The following LRRC20 variants were observed in gnomAD, a reference collection of about 807,000 sequenced individuals.
LRRC20 encodes leucine-rich repeat-containing protein 20.
In LRRC20, 11 loss-of-function variants were observed where a neutral mutation model predicts 14.4. The observed-to-expected ratio is 0.77, with a 90% confidence interval of 0.48 to 1.27. The LOEUF is 1.27. Among genes scored for constraint, LRRC20 ranks in the 50% most tolerant of loss-of-function variants. The pLI is 0.00. For synonymous variants in LRRC20, 121 were observed against 107.3 expected (o/e 1.13, Z -0.79); for missense variants, 219 against 251.2 (o/e 0.87, Z 0.87).
intron 2 of LRRC20, among the ~76,000 whole-genome samples, chr10:70,362,139 C>T (rs1227247942): frequency 6.6e-6 from 1 of 152,178 alleles, no homozygotes; most frequent in Admixed American, 6.5e-5. Context: ...GAGCTGAGAT[C>T]GTGCCACTGC....
intron 2 of LRRC20, among the ~76,000 whole-genome samples, chr10:70,342,125 C>T (rs1842937906): frequency 6.6e-6 from 1 of 151,842 alleles, no homozygotes; most frequent in Non-Finnish European, 1.5e-5. Context: ...ATAGAGAAAC[C>T]CCATCTCTAC....
At chr10:70,360,875 T>C (rs1351723131) in intron 2 of LRRC20, among the ~76,000 whole-genome samples, 1 of 151,866 alleles carries the variant, frequency 6.6e-6, no homozygotes, top group Non-Finnish European at 1.5e-5. Flanking sequence ...CCCACTGAAA[T>C]GGGTGGCATG....
intron 4 of LRRC20, 126 bp downstream of exon 4, chr10:70,323,737 T>G: frequency 9.2e-7 from 1 of 1,090,742 alleles, no homozygotes; most frequent in Admixed American, 2.3e-5. Context: ...CCCATGTCCT[T>G]TGCTCAGGCA....
chr10:70,362,248 C>A (rs1248985833), intron 2 of LRRC20, among the ~76,000 whole-genome samples: 3 of 152,198 alleles, frequency 2.0e-5, no homozygotes, highest in African/African-American at 7.2e-5. Context: ...ACGTGAAGAA[C>A]AGGGAAGAGC....
chr10:70,376,456 A>G lies in LRRC20; in HGVS notation c.78T>C (p.Thr26=), dbSNP rs373409174. The change falls in exon 2 of 5, where the codon ACT becomes ACC. Residue 26 remains threonine, a synonymous_variant. Transcript: ENST00000446961. ...AAAAGCCCTGCCCTCACTCACCCAG[A>G]GTGTCAGAGCCGCTCTCCACCGTCT... ...VNETVESGSD[T]LDLAECKLVS... is the part of the protein sequence containing the mutation. 3.7e-6 allele frequency: 6 copies of G among 1,613,894 alleles called. No individual in the cohort carries two copies. The highest frequency in any genetic ancestry group is 1.7e-5 in the Admixed American group (1 of 59,996).
intron 4 of LRRC20, among the ~76,000 whole-genome samples, chr10:70,311,221 C>CCTTTTTTTTTTTTTT (rs1491407192): frequency 8.3e-6 from 1 of 120,600 alleles, no homozygotes; most frequent in East Asian, 3.0e-4. Context: ...TTCAACATTC[C>CCTTTTTTTTTTTTTT]ATTTTTTTTT....
intron 2 of LRRC20, among the ~76,000 whole-genome samples, chr10:70,365,760 A>C (rs1031093718): frequency 1.3e-5 from 2 of 152,114 alleles, no homozygotes; most frequent in Admixed American, 6.6e-5. Flanking sequence ...AAAGATTCGA[A>C]TAGAGATTTA....
intron 2 of LRRC20, among the ~76,000 whole-genome samples, chr10:70,351,996 T>A (rs10762369): frequency 0.75 from 114,262 of 152,026 alleles, 43,289 homozygotes; most frequent in Middle Eastern, 0.83. Flanking sequence ...AAGTTCCAGC[T>A]TTTCTCAAGT....
intron 4 of LRRC20, among the ~76,000 whole-genome samples, chr10:70,318,906 C>T (rs565377431): frequency 3.2e-4 from 49 of 151,726 alleles, no homozygotes; most frequent in South Asian, 6.3e-4. Context: ...CTCCCAGGCT[C>T]AATTGATCTA....
intron 2 of LRRC20, among the ~76,000 whole-genome samples, chr10:70,367,601 G>C (rs181205695): frequency 6.6e-5 from 10 of 152,172 alleles, no homozygotes; most frequent in Admixed American, 2.0e-4. Flanking sequence ...CCAGGCTCAA[G>C]AGCTTATTTA....
chr10:70,346,190 T>C (rs898259523), intron 2 of LRRC20, among the ~76,000 whole-genome samples: 1 of 152,102 alleles, frequency 6.6e-6, no homozygotes, highest in Non-Finnish European at 1.5e-5. Context: ...GAGGCCAAGA[T>C]TGTATCACTG....
At chr10:70,325,591 C>G (rs1842286958) in intron 3 of LRRC20, among the ~76,000 whole-genome samples, 2 of 152,206 alleles carry the variant, frequency 1.3e-5, no homozygotes, top group Admixed American at 6.5e-5. Context: ...GTTTAAAGAG[C>G]CTTGGAGTTG....
At chr10:70,339,545 C>T (rs1377258045) in intron 3 of LRRC20, among the ~76,000 whole-genome samples, 1 of 152,166 alleles carries the variant, frequency 6.6e-6, no homozygotes, top group Non-Finnish European at 1.5e-5. Context: ...CCTAGGCTTC[C>T]TGTGCCCTCC....
Position 70,330,146 on chromosome 10 carries a change from C to T in LRRC20, c.233-6116G>A, listed in dbSNP as rs181071309. Among the ~76,000 whole-genome samples, 330 of 152,198 alleles carry T rather than the reference C, an allele frequency of 2.2e-3. 1 individual carries two copies. Among genetic ancestry groups the T allele is most frequent in the African/African-American group, 7.6e-3 (315 of 41,510 alleles). On this transcript the variant is annotated intron_variant, in intron 3 of 4. Transcript: ENST00000446961. ...GCATGGATTGGGAAGTATGCCCTTCCCTTCTATTTTCTGGAAGAGGCTGTG... is the reference window on the plus strand; with the variant it reads ...GCATGGATTGGGAAGTATGCCCTTCTCTTCTATTTTCTGGAAGAGGCTGTG...
rs185561583 is a variant in LRRC20, at chr10:70,360,105, G to A, written c.82+16347C>T. 9.0e-3 allele frequency among the ~76,000 whole-genome samples: 1,362 copies of A among 151,878 alleles called. 15 individuals carry two copies. Among genetic ancestry groups the A allele is most frequent in the South Asian group, 0.057 (272 of 4,808 alleles). ...TAATTTTTGTATTTTTAGTAGAGAC[G>A]GGGTTTCACCATCTTGGCCAGGCTG... On this transcript the variant is annotated intron_variant, in intron 2 of 4. Transcript: ENST00000446961.
At chr10:70,301,599 TG>T in intron 4 of LRRC20, 91 bp from the exon 5 acceptor site, 1 of 1,471,390 alleles carries the variant, frequency 6.8e-7, no homozygotes, top group South Asian at 1.3e-5. Flanking sequence ...GAGCACCTGA[TG>T]GTGAGGGGCA....
intron 2 of LRRC20, among the ~76,000 whole-genome samples, chr10:70,366,432 A>C (rs1844004379): frequency 6.6e-6 from 1 of 152,124 alleles, no homozygotes; most frequent in Non-Finnish European, 1.5e-5. Flanking sequence ...CTCAAAAAAA[A>C]AATAAAATAA....
intron 1 of LRRC20, 78 bp from the exon 2 acceptor site, chr10:70,376,674 T>TC: frequency 1.3e-6 from 1 of 747,716 alleles, no homozygotes; most frequent in South Asian, 1.7e-5. Context: ...AGCATCCTTC[T>TC]CCCCCAGGAC....
chr10:70,328,478 C>G (rs9730911), intron 3 of LRRC20, among the ~76,000 whole-genome samples: 1 of 151,964 alleles, frequency 6.6e-6, no homozygotes, highest in Non-Finnish European at 1.5e-5. Flanking sequence ...TGGATTTTTA[C>G]GAGAGACAGG....
Sources: allele counts gnomAD v4.1 joint callset (sites outside exome capture counted in the v4.1 genomes callset), GRCh38; gene constraint gnomAD v4.1.1; transcripts MANE v1.5; gene names NCBI Gene and HGNC (gene_info 2026-07-23, HGNC 2026-07-21).